The following CFAP299 variants were observed in gnomAD, a reference collection of about 807,000 sequenced individuals.
The protein encoded by CFAP299 is cilia- and flagella-associated protein 299.
A neutral mutation model predicts 27.0 loss-of-function variants in CFAP299; 21 were observed. The observed-to-expected ratio is 0.78, with a 90% CI of 0.55 to 1.12. The LOEUF (loss-of-function observed/expected upper bound fraction) is 1.12. Ranked by LOEUF, CFAP299 falls within the 50% of genes most tolerant of loss-of-function variation. CFAP299 has a pLI of 0.00. For synonymous variants in CFAP299, 104 were observed against 98.1 expected, an observed-to-expected ratio of 1.06 and a Z score of -0.36; for missense variants, 310 against 276.6, an observed-to-expected ratio of 1.12 and a Z score of -0.86.
intron 4 of CFAP299, among the ~76,000 whole-genome samples, chr4:80,909,161 C>T (rs937535865): frequency 4.0e-5 from 6 of 151,880 alleles, no homozygotes; most frequent in African/African-American, 1.4e-4. Flanking sequence ...GAATTCAGAT[C>T]TGTATTACCA....
intron 2 of CFAP299, among the ~76,000 whole-genome samples, chr4:80,399,621 C>T (rs1726022854): frequency 6.9e-6 from 1 of 145,962 alleles, no homozygotes; most frequent in Non-Finnish European, 1.5e-5. Context: ...TGTTCTCACT[C>T]ATAGGTGGGA....
At chr4:80,800,119 T>C (rs1248125317) in intron 3 of CFAP299, among the ~76,000 whole-genome samples, 1 of 66,166 alleles carries the variant, frequency 1.5e-5, no homozygotes, top group Non-Finnish European at 2.5e-5. Context: ...ATATATAAGA[T>C]ATTAATATAA....
chr4:80,867,458 T>C (rs1244392859), intron 3 of CFAP299, among the ~76,000 whole-genome samples: 1 of 152,236 alleles, frequency 6.6e-6, no homozygotes, highest in Non-Finnish European at 1.5e-5. Flanking sequence ...TTTTAACTTA[T>C]TATAATCTGT....
chr4:80,748,338 TATC>T (rs1181826433), intron 3 of CFAP299, among the ~76,000 whole-genome samples: 2 of 152,168 alleles, frequency 1.3e-5, no homozygotes, highest in Admixed American at 6.6e-5. Flanking sequence ...AATATTAACT[TATC>T]ATTCCCTTGC....
chr4:80,324,009 T>C, the CFAP299 span, among the ~76,000 whole-genome samples: 3 of 152,216 alleles, frequency 2.0e-5, no homozygotes, highest in Non-Finnish European at 4.4e-5. Flanking sequence ...GGGATACATG[T>C]GCAGAACGTG....
At chr4:80,669,401 C>T (rs1042370086) in intron 3 of CFAP299, among the ~76,000 whole-genome samples, 1 of 151,714 alleles carries the variant, frequency 6.6e-6, no homozygotes, top group African/African-American at 2.4e-5. Flanking sequence ...GATCCACCTG[C>T]TTAGACCTCC....
intron 2 of CFAP299, among the ~76,000 whole-genome samples, chr4:80,375,838 T>C (rs1724379798): frequency 6.6e-6 from 1 of 152,186 alleles, no homozygotes; most frequent in African/African-American, 2.4e-5. Flanking sequence ...AAACAATATG[T>C]CATGAGCTCA....
intron 1 of CFAP299, among the ~76,000 whole-genome samples, chr4:80,356,069 T>A (rs1723263869): frequency 6.6e-6 from 1 of 150,986 alleles, no homozygotes; most frequent in African/African-American, 2.4e-5. Flanking sequence ...AGCCTGTTCT[T>A]CCAGCACCAT....
intron 2 of CFAP299, among the ~76,000 whole-genome samples, chr4:80,458,212 G>C (rs1207253481): frequency 6.6e-6 from 1 of 152,202 alleles, no homozygotes; most frequent in South Asian, 2.1e-4. Context: ...AGAGTCACAT[G>C]AATATACATT....
At chr4:80,367,116 T>A (rs1190238007) in intron 2 of CFAP299, among the ~76,000 whole-genome samples, 2 of 152,182 alleles carry the variant, frequency 1.3e-5, no homozygotes, top group Non-Finnish European at 2.9e-5. Flanking sequence ...TATGTGTAAA[T>A]AGACATTGGT....
chr4:80,422,688 A>G (rs764290306), intron 2 of CFAP299, among the ~76,000 whole-genome samples: 3 of 152,180 alleles, frequency 2.0e-5, no homozygotes, highest in Admixed American at 6.5e-5. Context: ...CTATTAGTAG[A>G]TGATCAATAT....
rs575509965 is a variant in CFAP299, at chr4:80,624,744, G to A, written c.333+41561G>A. Among the ~76,000 whole-genome samples the A allele has an allele frequency of 9.5e-4, 144 of 152,016 alleles. 2 individuals carry two copies. The highest frequency in any genetic ancestry group is 1.3e-3 in the Non-Finnish European group (87 of 67,920). ...TTTTTAAAAAAACAGCAAGAGAAAAGAAGAAAATTATGTATAAAAATGTTT... is the reference window on the plus strand; with the variant it reads ...TTTTTAAAAAAACAGCAAGAGAAAAAAAGAAAATTATGTATAAAAATGTTT... On this transcript the variant is annotated intron_variant, in intron 3 of 5. Coordinates refer to ENST00000358105, the MANE Select transcript of CFAP299 (RefSeq NM_152770.3).
intron 3 of CFAP299, among the ~76,000 whole-genome samples, chr4:80,737,755 A>G (rs187273997): frequency 5.3e-5 from 8 of 152,218 alleles, no homozygotes; most frequent in African/African-American, 1.4e-4. Flanking sequence ...GAAGAAAAAA[A>G]TTAAAAAGAA....
intron 2 of CFAP299, among the ~76,000 whole-genome samples, chr4:80,371,347 TC>T (rs1724142049): frequency 6.6e-6 from 1 of 152,198 alleles, no homozygotes; most frequent in South Asian, 2.1e-4. Context: ...TGAGGCCTTT[TC>T]CCCATTATCT....
intron 4 of CFAP299, among the ~76,000 whole-genome samples, chr4:80,883,202 T>A (rs1733798730): frequency 1.3e-5 from 2 of 152,164 alleles, no homozygotes; most frequent in African/African-American, 2.4e-5. Context: ...GTGATTGAAC[T>A]TAAGTTCTTA....
chr4:80,837,129 A>G (rs1304645564), intron 3 of CFAP299, among the ~76,000 whole-genome samples: 2 of 152,170 alleles, frequency 1.3e-5, no homozygotes, highest in African/African-American at 4.8e-5. Context: ...TTTATAAATT[A>G]GAAAACTGAG....
At chr4:80,807,761 C>A (rs1296797172) in intron 3 of CFAP299, among the ~76,000 whole-genome samples, 1 of 152,036 alleles carries the variant, frequency 6.6e-6, no homozygotes, top group East Asian at 1.9e-4. Flanking sequence ...ATTCCTCCAA[C>A]TGATGACATT....
intron 2 of CFAP299, among the ~76,000 whole-genome samples, chr4:80,540,024 A>C (rs1277029277): frequency 7.9e-6 from 1 of 126,426 alleles, no homozygotes; most frequent in Non-Finnish European, 1.5e-5. Flanking sequence ...TGGAGTCTGT[A>C]AAAGCTGCGC....
intron 4 of CFAP299, among the ~76,000 whole-genome samples, chr4:80,881,611 T>C (rs1017407778): frequency 2.6e-5 from 4 of 152,210 alleles, no homozygotes; most frequent in African/African-American, 9.6e-5. Context: ...TATGCCTCTC[T>C]GAGTCTGGAC....
Sources: allele counts gnomAD v4.1 joint callset (sites outside exome capture counted in the v4.1 genomes callset), GRCh38; gene constraint gnomAD v4.1.1; transcripts MANE v1.5; gene names NCBI Gene and HGNC (gene_info 2026-07-23, HGNC 2026-07-21).